PARN: variants seen among roughly 807,000 people sequenced by gnomAD.
The protein encoded by PARN is poly(A)-specific ribonuclease.
A neutral mutation model predicts 102.8 loss-of-function variants in PARN; 71 were observed. The ratio of observed to expected loss-of-function variants is 0.69; its 90% CI spans 0.57 to 0.84. The LOEUF (loss-of-function observed/expected upper bound fraction) is 0.84, where lower values mean the gene tolerates loss of function less well. PARN is among the 40% of genes least tolerant of loss of function. The pLI is 0.00. For missense variants in PARN, 782 were observed against 760.9 expected (o/e 1.03, Z -0.33); for synonymous variants, 261 against 252.9 (o/e 1.03, Z -0.30).
rs181699393 is a variant in PARN at position 14,572,129 on chromosome 16, G to C, written c.1262+8745C>G. 5.6e-3 allele frequency among the ~76,000 whole-genome samples: 857 copies of C among 152,224 alleles called. 9 individuals carry two copies. The highest frequency in any genetic ancestry group is 6.8e-3 in the Middle Eastern group (2 of 294). ...TACACTGCTCCTCTGTATGAGGGAG[G>C]GACAGGCTGGACAGCAGAAGGTTAA... On this transcript the variant is annotated intron_variant, in intron 18 of 23. Coordinates refer to ENST00000437198, the MANE Select transcript of PARN (RefSeq NM_002582.4).
chr16:14,590,869 A>G (rs1970156395), intron 13 of PARN, among the ~76,000 whole-genome samples: 1 of 152,160 alleles, frequency 6.6e-6, no homozygotes, highest in Non-Finnish European at 1.5e-5. Flanking sequence ...AATGGGACCT[A>G]AGAAATGTGA....
chr16:14,472,528 T>C (rs1684490514), intron 22 of PARN, among the ~76,000 whole-genome samples: 1 of 152,176 alleles, frequency 6.6e-6, no homozygotes, highest in African/African-American at 2.4e-5. Context: ...AAAAGCCAAC[T>C]AGACCTAGCC....
intron 21 of PARN, among the ~76,000 whole-genome samples, chr16:14,542,221 G>T (rs1400037368): frequency 6.6e-6 from 1 of 151,762 alleles, no homozygotes; most frequent in Non-Finnish European, 1.5e-5. Context: ...GCCCAGGCTG[G>T]TCTCAAACTC....
intron 20 of PARN, among the ~76,000 whole-genome samples, chr16:14,553,255 TTA>T (rs1491225051): frequency 3.3e-5 from 1 of 30,726 alleles, no homozygotes; most frequent in Non-Finnish European, 7.3e-5. Context: ...CTATTTCTAT[TTA>T]AAAAAAAAAA....
intron 17 of PARN, among the ~76,000 whole-genome samples, chr16:14,581,749 G>A (rs1345817584): frequency 6.6e-6 from 1 of 152,102 alleles, no homozygotes; most frequent in African/African-American, 2.4e-5. Flanking sequence ...GCAAGACCCT[G>A]TCTCTATAAA....
rs1428915364 is a variant in PARN at position 14,452,961 on chromosome 16, CAT to C, written c.1671-5882_1671-5881del. On this transcript the variant is annotated intron_variant, in intron 22 of 23. Transcript: ENST00000437198. The stretch of plus-strand genomic sequence containing the variant: ...TATATATTTGGAAGGTACTGCTGTG[CAT>C]GTGTGTGTATGTGCATGCGTGTGTG... 2.6e-5 allele frequency among the ~76,000 whole-genome samples: 4 copies of C among 152,124 alleles called. No homozygotes were observed. The East Asian group carries it at 7.7e-4, about 29-fold the overall frequency.
chr16:14,584,260 T>C (rs965063645), intron 16 of PARN, 87 bp downstream of exon 16: 1 of 885,772 alleles, frequency 1.1e-6, no homozygotes, highest in South Asian at 1.4e-5. Flanking sequence ...AACAATACGG[T>C]CTCCAGAGCC....
intron 21 of PARN, among the ~76,000 whole-genome samples, chr16:14,505,752 A>G (rs1030296731): frequency 6.6e-6 from 1 of 152,214 alleles, no homozygotes; most frequent in African/African-American, 2.4e-5. Flanking sequence ...TCACAAAATA[A>G]TATCAACCAA....
At chr16:14,536,515 T>TGGCA (rs1431072899) in intron 21 of PARN, among the ~76,000 whole-genome samples, 1 of 152,214 alleles carries the variant, frequency 6.6e-6, no homozygotes, top group African/African-American at 2.4e-5. Flanking sequence ...ATTATGACTA[T>TGGCA]GGCACTAAAT....
intron 5 of PARN, among the ~76,000 whole-genome samples, chr16:14,622,387 A>C (rs930898761): frequency 3.3e-5 from 5 of 152,246 alleles, no homozygotes; most frequent in African/African-American, 1.2e-4. Context: ...GCTGATAACC[A>C]CTGGAAAGCC....
intron 18 of PARN, among the ~76,000 whole-genome samples, chr16:14,578,876 CCA>C (rs757598470): frequency 2.6e-5 from 4 of 152,100 alleles, no homozygotes; most frequent in Non-Finnish European, 4.4e-5. Context: ...GACAGATGTC[CCA>C]ATTCAAAATA....
intron 7 of PARN, 92 bp from the exon 8 acceptor site, chr16:14,609,215 A>G (rs549086063): frequency 6.3e-6 from 4 of 634,278 alleles, no homozygotes; most frequent in South Asian, 2.0e-5. Context: ...CAGTCTAACT[A>G]TAAGAACATG....
chr16:14,438,535 GT>G (rs56396926), intron 23 of PARN, among the ~76,000 whole-genome samples: 2,476 of 150,626 alleles, frequency 0.016, 30 homozygotes, highest in Non-Finnish European at 0.022. Flanking sequence ...TAAGCAAAAA[GT>G]TCTGGAGTAA....
intron 18 of PARN, among the ~76,000 whole-genome samples, chr16:14,577,576 C>T (rs954346269): frequency 6.6e-6 from 1 of 152,128 alleles, no homozygotes; most frequent in African/African-American, 2.4e-5. Context: ...TCAAGCAACC[C>T]TCCTTCCTCA....
intron 18 of PARN, among the ~76,000 whole-genome samples, chr16:14,577,135 T>C (rs1447525845): frequency 2.0e-5 from 3 of 152,354 alleles, no homozygotes; most frequent in East Asian, 3.9e-4. Flanking sequence ...CCCAAATTTA[T>C]GTTAGGAGTA....
chr16:14,529,885 A>C (rs775107335), intron 21 of PARN, among the ~76,000 whole-genome samples: 14 of 152,080 alleles, frequency 9.2e-5, no homozygotes, highest in Non-Finnish European at 1.3e-4. Context: ...TATAGGTGAT[A>C]CCATCCCTAC....
chr16:14,602,817 G>A (rs891480157), intron 11 of PARN, among the ~76,000 whole-genome samples: 2 of 152,018 alleles, frequency 1.3e-5, no homozygotes, highest in African/African-American at 2.4e-5. Flanking sequence ...TCTCTGCCTC[G>A]CCCTCTCAGA....
intron 21 of PARN, among the ~76,000 whole-genome samples, chr16:14,547,300 C>T (rs763598388): frequency 2.0e-5 from 3 of 151,942 alleles, no homozygotes; most frequent in Non-Finnish European, 2.9e-5. Context: ...AGCAGGGAAC[C>T]GCTTCCCAGC....
chr16:14,503,325 T>G (rs1298745148), intron 21 of PARN, among the ~76,000 whole-genome samples: 1 of 152,040 alleles, frequency 6.6e-6, no homozygotes, highest in African/African-American at 2.4e-5. Context: ...CTGTAAGGAG[T>G]TCTCTGTGGT....
Sources: allele counts gnomAD v4.1 joint callset (sites outside exome capture counted in the v4.1 genomes callset), GRCh38; gene constraint gnomAD v4.1.1; transcripts MANE v1.5; gene names NCBI Gene and HGNC (gene_info 2026-07-23, HGNC 2026-07-21).